NCOR2: variants seen among roughly 807,000 people sequenced by gnomAD.
NCOR2 encodes CTG repeat protein 26.
A neutral mutation model predicts 262.9 loss-of-function variants in NCOR2; 81 were observed. The ratio of observed to expected loss-of-function variants is 0.31; its 90% CI spans 0.26 to 0.37. The LOEUF is 0.37. Ranked by LOEUF, NCOR2 falls within the 10% of genes least tolerant of loss-of-function variation. NCOR2 has a pLI of 1.00. For missense variants in NCOR2, 3,385 were observed against 3,621.4 expected (o/e 0.93, Z 1.68); for synonymous variants, 1,659 against 1,559.3 (o/e 1.06, Z -1.51).
At chr12:124,354,104 A>T in exon 27 of NCOR2, 1 of 1,609,344 alleles carries the variant, frequency 6.2e-7, no homozygotes, top group East Asian at 2.2e-5. Context: ...TGGGTGATGG[A>T]GCCGCGGTAT....
At chr12:124,383,550 G>T in intron 17 of NCOR2, 1 of 492,188 alleles carries the variant, frequency 2.0e-6, no homozygotes. Flanking sequence ...AAAAAAAGAG[G>T]GGGCCTCAGG....
rs184966085 is a variant in NCOR2 at position 124,506,431 on chromosome 12, T to C, written c.-117-11063A>G. ...CGCTGGACGGCAGCCAGCTCGGCCC[T>C]GCTCCCCCGCCACGGCGAAGTATGC... On this transcript the variant is annotated intron_variant, in intron 1 of 46. Coordinates refer to the NCOR2 transcript ENST00000404621. Among the ~76,000 whole-genome samples, 8 of 152,220 alleles carry C rather than the reference T, an allele frequency of 5.3e-5. No homozygotes were observed. In the East Asian group the frequency reaches 1.5e-3, roughly 29 times the overall value.
chr12:124,379,925 C>T (rs186019231), intron 17 of NCOR2, among the ~76,000 whole-genome samples: 4 of 152,346 alleles, frequency 2.6e-5, no homozygotes, highest in East Asian at 1.9e-4. Flanking sequence ...TGCCAGCAGT[C>T]GCTGGAAGAC....
At chr12:124,372,662 AG>A in intron 19 of NCOR2, 52 bp from the exon 22 acceptor site, 2 of 1,491,232 alleles carry the variant, frequency 1.3e-6, no homozygotes, top group South Asian at 2.3e-5. Flanking sequence ...CGGGGCCTCC[AG>A]AAGAGATGCA....
rs542415750 is a variant in NCOR2 at position 124,481,371 on chromosome 12, C to T, written c.411+2225G>A. ...CCACAGAGACCCCCTTCAAGGCCGG[C>T]AGGGCCCCTGTGGCTGAATCTCACA... On this transcript the variant is annotated intron_variant, in intron 3 of 46. Coordinates refer to ENST00000405201, the Ensembl canonical transcript of NCOR2. The surrounding 1 kb of genome is among the most constrained non-coding windows in gnomAD (Gnocchi z 4.6). Among the ~76,000 whole-genome samples the T allele has an allele frequency of 8.5e-4, 130 of 152,278 alleles. No individual in the cohort carries two copies. The highest frequency in any genetic ancestry group is 3.1e-3 in the African/African-American group (127 of 41,558).
intron 20 of NCOR2, among the ~76,000 whole-genome samples, chr12:124,367,296 C>T (rs2135995519): frequency 6.6e-6 from 1 of 150,800 alleles, no homozygotes; most frequent in East Asian, 1.9e-4. Context: ...AGGCCCAAAC[C>T]CTTCTTGAGC....
intron 11 of NCOR2, among the ~76,000 whole-genome samples, chr12:124,424,278 A>G (rs1220069271): frequency 1.3e-5 from 2 of 152,178 alleles, no homozygotes; most frequent in African/African-American, 4.8e-5. Context: ...TCTCAAACGC[A>G]ACAGTAATTC....
chr12:124,367,084 C>T (rs1289374456), intron 20 of NCOR2, among the ~76,000 whole-genome samples: 1 of 152,140 alleles, frequency 6.6e-6, no homozygotes, highest in Admixed American at 6.5e-5. Flanking sequence ...ATAACACACA[C>T]AAAACATGAG....
intron 1 of NCOR2, among the ~76,000 whole-genome samples, chr12:124,562,440 C>T (rs2052102815): frequency 1.3e-5 from 2 of 152,210 alleles, no homozygotes; most frequent in Non-Finnish European, 2.9e-5. Flanking sequence ...AATGGAAGCA[C>T]GATTCAAACC....
chr12:124,330,837 T>C lies in NCOR2; in HGVS notation c.6958+8A>G. 6.4e-7 allele frequency: 1 copy of C among 1,572,826 alleles called. No homozygotes were observed. Among genetic ancestry groups the C allele is most frequent in the Non-Finnish European group, 8.6e-7 (1 of 1,158,330 alleles). ...GGGCAGCCATATAGCAAGGGCTGGA[T>C]GGGTTACCTGTTCCGGTGATGGCGG... On this transcript the variant is annotated splice_region_variant and intron_variant, in intron 44 of 46. Coordinates refer to ENST00000405201, the Ensembl canonical transcript of NCOR2.
chr12:124,470,485 C>T (rs991737344), intron 4 of NCOR2, among the ~76,000 whole-genome samples: 30 of 152,316 alleles, frequency 2.0e-4, no homozygotes, highest in Non-Finnish European at 3.7e-4. Flanking sequence ...GAGGCATCTC[C>T]ATACAACGGA....
At chr12:124,423,303 CG>C (rs2043329878) in intron 11 of NCOR2, among the ~76,000 whole-genome samples, 1 of 152,170 alleles carries the variant, frequency 6.6e-6, no homozygotes, top group Non-Finnish European at 1.5e-5. Flanking sequence ...GGCGTCCCGG[CG>C]ACGTGCCACA....
chr12:124,434,056 C>A (rs958618036), intron 8 of NCOR2, among the ~76,000 whole-genome samples: 2 of 152,174 alleles, frequency 1.3e-5, no homozygotes, highest in Admixed American at 6.5e-5. Context: ...TCTCAGCCAA[C>A]TGGGCCTCCA....
At chr12:124,487,423 C>T (rs1236238456) in intron 1 of NCOR2, among the ~76,000 whole-genome samples, 2 of 152,278 alleles carry the variant, frequency 1.3e-5, no homozygotes, top group Non-Finnish European at 2.9e-5. Context: ...ACACCGTCGT[C>T]CATTTGACAA....
At chr12:124,331,215 A>G (rs1351266381) in intron 43 of NCOR2, among the ~76,000 whole-genome samples, 2 of 151,784 alleles carry the variant, frequency 1.3e-5, no homozygotes, top group East Asian at 3.9e-4. Context: ...GACATCCGCC[A>G]CCACGCCTGG....
At chr12:124,480,842 G>C (rs1415615659) in intron 3 of NCOR2, among the ~76,000 whole-genome samples, 105 of 147,242 alleles carry the variant, frequency 7.1e-4, no homozygotes, top group Middle Eastern at 3.4e-3. Flanking sequence ...ATGGGGGTAG[G>C]GGGTGGGGGA....
chr12:124,509,334 C>T lies in NCOR2; in HGVS notation c.-117-13966G>A, dbSNP rs1006267859. Among the ~76,000 whole-genome samples, 4 of 151,742 alleles carry T rather than the reference C, an allele frequency of 2.6e-5. No individual in the cohort carries two copies. The East Asian group carries it at 7.7e-4, about 29-fold the overall frequency. ...TATTGGGAACAAGAAGCTGTCCTTC[C>T]ACTGGGGCTACTGAACTGCAATTAT... On this transcript the variant is annotated intron_variant, in intron 1 of 46. Transcript: ENST00000404621.
At chr12:124,335,571 G>A (rs1304818026) in exon 39 of NCOR2, 4 of 1,609,364 alleles carry the variant, frequency 2.5e-6, no homozygotes, top group Non-Finnish European at 3.4e-6. Context: ...GGGTCAGACT[G>A]GGTGAGCTCA....
chr12:124,413,499 G>A (rs774185617), intron 13 of NCOR2, among the ~76,000 whole-genome samples: 2 of 152,174 alleles, frequency 1.3e-5, no homozygotes, highest in Non-Finnish European at 2.9e-5. Flanking sequence ...GCAAGCTTGG[G>A]GACACGAGGC....
Sources: gnomAD v4.1 joint callset for allele counts (sites outside exome capture counted in the v4.1 genomes callset) on GRCh38, gnomAD v4.1.1 for gene constraint, Gnocchi (gnomAD v3.1) non-coding constraint, MANE v1.5 for transcripts, NCBI Gene and HGNC (gene_info 2026-07-23, HGNC 2026-07-21) for gene names.